The following XKR4 variants were observed in gnomAD, a reference collection of about 807,000 sequenced individuals.
XKR4 encodes the protein XK-related protein 4.
XKR4 carries 12 observed loss-of-function variants against 53.9 expected under a neutral mutation model. The observed-to-expected ratio is 0.22, with a 90% CI of 0.14 to 0.36. The LOEUF (loss-of-function observed/expected upper bound fraction) is 0.36. Among genes scored for constraint, XKR4 ranks in the 10% least tolerant of loss-of-function variants. XKR4 has a pLI of 1.00. For synonymous variants in XKR4, 354 were observed against 362.4 expected (o/e 0.98, Z 0.26); for missense variants, 799 against 859.5 (o/e 0.93, Z 0.88).
At position 55,523,272 on chromosome 8, in the gene XKR4, C is replaced by T. The variant is rs1435160343; in HGVS notation, c.1007-9C>T. 6.3e-7 allele frequency: 1 copy of T among 1,585,030 alleles called. No individual in the cohort carries two copies. The highest frequency in any genetic ancestry group is 8.6e-7 in the Non-Finnish European group (1 of 1,165,040). ...TTCTGACACACTGTCTTCCTGTTTG[C>T]CTTTGTAGGTTTCACAGCGGCAGCT... On this transcript the variant is annotated splice_polypyrimidine_tract_variant and intron_variant, in intron 2 of 2. Transcript: ENST00000327381.
At chr8:55,164,241 C>T (rs1817030793) in intron 1 of XKR4, 2 of 456,418 alleles carry the variant, frequency 4.4e-6, no homozygotes, top group Non-Finnish European at 8.8e-6. Context: ...GGCATTGAGA[C>T]CCATCTCCTC....
chr8:55,394,003 A>C (rs923748186), intron 2 of XKR4, among the ~76,000 whole-genome samples: 11 of 152,194 alleles, frequency 7.2e-5, no homozygotes, highest in Admixed American at 1.3e-4. Flanking sequence ...ATGAAAGCAG[A>C]CCCTGACCAT....
chr8:55,259,520 C>A (rs536930153), intron 1 of XKR4, among the ~76,000 whole-genome samples: 1 of 152,228 alleles, frequency 6.6e-6, no homozygotes, highest in Admixed American at 6.5e-5. Flanking sequence ...TTCGTTGTAA[C>A]TGACTCCAGA....
chr8:55,320,346 C>T (rs1490060758), intron 1 of XKR4, among the ~76,000 whole-genome samples: 2 of 152,154 alleles, frequency 1.3e-5, no homozygotes, highest in Non-Finnish European at 2.9e-5. Context: ...AGTTAAAGTA[C>T]TTACCTACCC....
At chr8:55,105,872 T>G (rs1014688323) in intron 1 of XKR4, among the ~76,000 whole-genome samples, 3 of 152,228 alleles carry the variant, frequency 2.0e-5, no homozygotes, top group Admixed American at 6.5e-5. Context: ...TCTCTGAGTG[T>G]TGAACATTCA....
intron 2 of XKR4, among the ~76,000 whole-genome samples, chr8:55,396,382 T>TTTG (rs1804517630): frequency 1.8e-5 from 1 of 55,820 alleles, no homozygotes; most frequent in African/African-American, 1.4e-4. Flanking sequence ...GGTTTTTTTG[T>TTTG]GTTTTTTTTT....
intron 1 of XKR4, among the ~76,000 whole-genome samples, chr8:55,105,836 C>T (rs1038546691): frequency 1.3e-5 from 2 of 152,202 alleles, no homozygotes; most frequent in African/African-American, 4.8e-5. Context: ...ACTTAACACT[C>T]AGATGCGCTC....
intron 1 of XKR4, among the ~76,000 whole-genome samples, chr8:55,322,302 A>G (rs1412456870): frequency 6.6e-6 from 1 of 152,166 alleles, no homozygotes; most frequent in East Asian, 1.9e-4. Flanking sequence ...TAGTTTCTCT[A>G]TCTTTACCTG....
intron 1 of XKR4, among the ~76,000 whole-genome samples, chr8:55,240,321 C>T (rs909106689): frequency 6.6e-6 from 1 of 152,110 alleles, no homozygotes; most frequent in African/African-American, 2.4e-5. Flanking sequence ...GACATCAAAG[C>T]TAACATTCAA....
chr8:55,452,797 T>C (rs373304428), intron 2 of XKR4: 2 of 783,260 alleles, frequency 2.6e-6, no homozygotes, highest in East Asian at 4.9e-5. Flanking sequence ...GCCATGCTGT[T>C]GGGGACCAGG....
chr8:55,412,771 C>A (rs936469788), intron 2 of XKR4, among the ~76,000 whole-genome samples: 1 of 152,220 alleles, frequency 6.6e-6, no homozygotes, highest in African/African-American at 2.4e-5. Context: ...CGTTTCTGTT[C>A]CCACCATGTG....
At chr8:55,381,460 AG>A (rs1420900380) in intron 2 of XKR4, among the ~76,000 whole-genome samples, 11 of 152,206 alleles carry the variant, frequency 7.2e-5, no homozygotes, top group Non-Finnish European at 1.6e-4. Flanking sequence ...TAGCTCAGCC[AG>A]GGCCAAAGGC....
intron 1 of XKR4, chr8:55,142,149 C>T (rs1330006537): frequency 4.4e-6 from 2 of 456,002 alleles, no homozygotes; most frequent in Non-Finnish European, 8.8e-6. Context: ...ACAGGGAGCC[C>T]ACTGGCCTCA....
At chr8:55,135,115 A>T (rs1167614439) in intron 1 of XKR4, 1 of 152,530 alleles carries the variant, frequency 6.6e-6, no homozygotes, top group Non-Finnish European at 1.5e-5. Flanking sequence ...CAAAAGCCGC[A>T]ATTACATTTG....
At chr8:55,488,312 A>G (rs1806224179) in intron 2 of XKR4, among the ~76,000 whole-genome samples, 1 of 152,236 alleles carries the variant, frequency 6.6e-6, no homozygotes, top group African/African-American at 2.4e-5. Flanking sequence ...CTCTTATCAT[A>G]TGATCCAGGA....
intron 2 of XKR4, among the ~76,000 whole-genome samples, chr8:55,489,299 C>T (rs949689035): frequency 1.3e-5 from 2 of 151,998 alleles, no homozygotes; most frequent in Non-Finnish European, 2.9e-5. Flanking sequence ...TCTTATAAAC[C>T]TAATACCGCT....
rs538133832 is a variant in XKR4, at chr8:55,118,332, T to C, written c.806+15038T>C. On this transcript the variant is annotated intron_variant, in intron 1 of 2. Transcript: ENST00000327381. ...AGCTTGTATTTATATCCTCATTTTG[T>C]ATGTAGTCATGCTTTGCATATACTA... Among the ~76,000 whole-genome samples, 5 of 152,364 alleles carry C rather than the reference T, an allele frequency of 3.3e-5. No homozygotes were observed. In the South Asian group the frequency reaches 1.0e-3, roughly 32 times the overall value.
In XKR4 at chr8:55,447,397, G is replaced by A. The variant is rs113071656; in HGVS notation, c.1007-75884G>A. Among the ~76,000 whole-genome samples, 966 of 152,288 alleles carry A rather than the reference G, an allele frequency of 6.3e-3. 8 individuals are homozygous for A. The highest frequency in any genetic ancestry group is 0.022 in the African/African-American group (902 of 41,538). On this transcript the variant is annotated intron_variant, in intron 2 of 2. Coordinates refer to ENST00000327381, the MANE Select transcript of XKR4 (RefSeq NM_052898.2). ...GGTAGATGGACACTACGGCTCCCCT[G>A]AGAGGGGAGAAAGGGAAGATAACAC...
At chr8:55,313,518 CAA>C (rs1360229998) in intron 1 of XKR4, among the ~76,000 whole-genome samples, 5 of 152,066 alleles carry the variant, frequency 3.3e-5, no homozygotes, top group Admixed American at 1.3e-4. Flanking sequence ...GGTCTTTGGC[CAA>C]AAGAGGCCCA....
Sources: allele counts gnomAD v4.1 joint callset (sites outside exome capture counted in the v4.1 genomes callset), GRCh38; gene constraint gnomAD v4.1.1; transcripts MANE v1.5; gene names NCBI Gene and HGNC (gene_info 2026-07-23, HGNC 2026-07-21).